SYTL5: variants seen among roughly 807,000 people sequenced by gnomAD.
SYTL5 encodes the protein synaptotagmin-like protein 5.
In SYTL5, 34 loss-of-function variants were observed where a neutral mutation model predicts 55.9. That is an observed-to-expected ratio of 0.61 (90% CI 0.46 to 0.81). The LOEUF is 0.81. SYTL5 is among the 30% of genes least tolerant of loss of function. The probability of loss-of-function intolerance (pLI) is 0.00; values close to 1 mark genes in which losing one functional copy is unlikely to be tolerated. For missense variants in SYTL5, 637 were observed against 546.7 expected (o/e 1.17, Z -1.65); for synonymous variants, 221 against 188.7 (o/e 1.17, Z -1.40).
At chrX:37,944,458 T>G in the SYTL5 span, among the ~76,000 whole-genome samples, 26 of 111,652 alleles carry the variant, frequency 2.3e-4, no homozygotes, top group African/African-American at 8.5e-4. Flanking sequence ...AGAAATCACT[T>G]AAACCTCTAT....
chrX:38,102,878 C>T, intron 10 of SYTL5: 1 of 429,108 alleles, frequency 2.3e-6, no homozygotes, highest in East Asian at 3.8e-5. Context: ...AAAATAAAGT[C>T]CTTTCTTACT....
the SYTL5 span, among the ~76,000 whole-genome samples, chrX:37,947,590 T>C: frequency 3.1e-4 from 35 of 111,964 alleles, no homozygotes; most frequent in African/African-American, 1.0e-3. Context: ...TACTTCTTTA[T>C]AGCAGTGTGA....
At chrX:38,084,637 G>A (rs1936625086) in intron 6 of SYTL5, among the ~76,000 whole-genome samples, 1 of 111,331 alleles carries the variant, frequency 9.0e-6, no homozygotes, top group Non-Finnish European at 1.9e-5. Flanking sequence ...CGTGATGATC[G>A]ATGATTGTTG....
At chrX:38,124,463 T>C (rs1937605772) in intron 15 of SYTL5, among the ~76,000 whole-genome samples, 1 of 111,891 alleles carries the variant, frequency 8.9e-6, no homozygotes, top group South Asian at 3.7e-4. Flanking sequence ...TAATTCCATA[T>C]GTACATATGT....
chrX:37,927,671 G>A, the SYTL5 span, among the ~76,000 whole-genome samples: 2 of 110,926 alleles, frequency 1.8e-5, no homozygotes, highest in Non-Finnish European at 3.8e-5. Context: ...CCAGCTACTC[G>A]GGAGGCTGGC....
chrX:38,115,063 T>C (rs1401417452), intron 13 of SYTL5, among the ~76,000 whole-genome samples: 1 of 112,390 alleles, frequency 8.9e-6, no homozygotes. Context: ...CTGAATAGTA[T>C]TCCATTGTGT....
chrX:37,977,476 G>A, the SYTL5 span, among the ~76,000 whole-genome samples: 1 of 110,329 alleles, frequency 9.1e-6, no homozygotes, highest in African/African-American at 3.3e-5. Context: ...TTCTGGAAAT[G>A]AATGGTCAGG....
intron 3 of SYTL5, among the ~76,000 whole-genome samples, chrX:38,067,918 A>G (rs896478386): frequency 2.7e-5 from 3 of 112,250 alleles, no homozygotes; most frequent in African/African-American, 9.7e-5. Flanking sequence ...TAATTACAAT[A>G]AAAACAAAAA....
At chrX:38,101,839 C>T (rs1426306292) in intron 9 of SYTL5, among the ~76,000 whole-genome samples, 1 of 104,238 alleles carries the variant, frequency 9.6e-6, no homozygotes, top group African/African-American at 3.5e-5. Context: ...AAAAAAAAAG[C>T]CATTTTATCA....
chrX:38,060,141 T>C (rs1935904043), intron 3 of SYTL5, among the ~76,000 whole-genome samples: 1 of 111,661 alleles, frequency 9.0e-6, no homozygotes, highest in Non-Finnish European at 1.9e-5. Context: ...GAGGTATACT[T>C]TTCAATACAA....
At chrX:37,980,795 T>G in the SYTL5 span, among the ~76,000 whole-genome samples, 3 of 112,136 alleles carry the variant, frequency 2.7e-5, no homozygotes, top group African/African-American at 9.7e-5. Flanking sequence ...GGGGGCTTGC[T>G]TCTTCATCCT....
At chrX:38,018,720 C>T (rs1934440667) in intron 1 of SYTL5, among the ~76,000 whole-genome samples, 1 of 111,617 alleles carries the variant, frequency 9.0e-6, no homozygotes, top group Non-Finnish European at 1.9e-5. Flanking sequence ...TATTCTTATG[C>T]ACACTAAAAT....
chrX:38,025,256 T>C (rs754094588), intron 1 of SYTL5, among the ~76,000 whole-genome samples: 16 of 112,634 alleles, frequency 1.4e-4, no homozygotes, highest in Non-Finnish European at 2.4e-4. Context: ...ACTTTATTTC[T>C]ATTAATTTCA....
At chrX:37,966,366 G>A in the SYTL5 span, among the ~76,000 whole-genome samples, 12 of 108,978 alleles carry the variant, frequency 1.1e-4, no homozygotes, top group East Asian at 1.7e-3. Flanking sequence ...TGTATATCAC[G>A]TACAAAAACT....
At position 38,126,672 on chromosome X, in the gene SYTL5, G is replaced by A. The variant is rs778612460; in HGVS notation, c.2135G>A (p.Gly712Glu). Reference protein sequence around the residue: ...RLWQKMANNPGTPFEGVLMLR... With the variant: ...RLWQKMANNPETPFEGVLMLR... Reference sequence around the variant, plus strand: ...TGGCAGAAGATGGCCAACAACCCTGGAACTCCCTTTGAGGGTGTACTCATG... The same window carrying A: ...TGGCAGAAGATGGCCAACAACCCTGAAACTCCCTTTGAGGGTGTACTCATG... Residue 712 changes from glycine to glutamate, a missense_variant, in exon 17 of 17, where the codon GGA (glycine) becomes GAA (glutamate). Gly to Glu is a moderately conservative substitution (Grantham distance 98). Transcript: ENST00000297875. The A allele has an allele frequency of 3.7e-5, 45 of 1,210,276 alleles. No homozygotes were observed. The highest frequency in any genetic ancestry group is 4.7e-5 in the Non-Finnish European group (42 of 894,751).
At chrX:38,119,268 C>T (rs1602416254) in intron 13 of SYTL5, among the ~76,000 whole-genome samples, 3 of 111,206 alleles carry the variant, frequency 2.7e-5, no homozygotes. Context: ...CTACCACAGT[C>T]AAGGTACAGA....
chrX:38,054,502 G>A, intron 3 of SYTL5, 80 bp downstream of exon 3: 2 of 963,916 alleles, frequency 2.1e-6, no homozygotes, highest in Non-Finnish European at 1.4e-6. Context: ...GAGAAAAAGA[G>A]TATTTTAAGT....
At chrX:38,105,188 G>T (rs752997165) in intron 10 of SYTL5, among the ~76,000 whole-genome samples, 2 of 112,450 alleles carry the variant, frequency 1.8e-5, no homozygotes, top group East Asian at 5.6e-4. Flanking sequence ...TCACATCCAG[G>T]GTGGGATGGA....
intron 6 of SYTL5, among the ~76,000 whole-genome samples, chrX:38,084,998 G>A (rs1431514168): frequency 9.0e-6 from 1 of 110,759 alleles, no homozygotes; most frequent in Admixed American, 9.7e-5. Context: ...AACATTTGGT[G>A]GGCCCAAATA....
Sources: allele counts gnomAD v4.1 joint callset (sites outside exome capture counted in the v4.1 genomes callset), GRCh38; gene constraint gnomAD v4.1.1; transcripts MANE v1.5; gene names NCBI Gene and HGNC (gene_info 2026-07-23, HGNC 2026-07-21).